CDH4: variants seen among roughly 807,000 people sequenced by gnomAD.
CDH4 encodes the protein cadherin-4.
In CDH4, 33 loss-of-function variants were observed where a neutral mutation model predicts 86.0. That is an observed-to-expected ratio of 0.38 (90% CI 0.29 to 0.51). The LOEUF (loss-of-function observed/expected upper bound fraction) is 0.51. Among genes scored for constraint, CDH4 ranks in the 20% least tolerant of loss-of-function variants. CDH4 has a pLI of 0.86. For missense variants in CDH4, 1,114 were observed against 1,307.4 expected (o/e 0.85, Z 2.28); for synonymous variants, 555 against 549.4 (o/e 1.01, Z -0.14).
At chr20:61,378,008 C>G (rs1053817287) in intron 2 of CDH4, among the ~76,000 whole-genome samples, 1 of 152,236 alleles carries the variant, frequency 6.6e-6, no homozygotes, top group East Asian at 1.9e-4. Flanking sequence ...AATTCCAACA[C>G]TTTGAGAGGC....
chr20:61,462,594 C>T (rs1312743937), intron 2 of CDH4, among the ~76,000 whole-genome samples: 2 of 62,850 alleles, frequency 3.2e-5, no homozygotes, highest in Middle Eastern at 7.2e-3. Flanking sequence ...TCCTGAGCCT[C>T]CCTCAGCCCC....
intron 2 of CDH4, among the ~76,000 whole-genome samples, chr20:61,591,896 C>A (rs1472657483): frequency 3.9e-5 from 3 of 75,972 alleles, no homozygotes; most frequent in Non-Finnish European, 9.6e-5. Flanking sequence ...ATTGAGCTTG[C>A]CATGGCAGAC....
intron 2 of CDH4, among the ~76,000 whole-genome samples, chr20:61,587,753 A>T (rs2086489356): frequency 6.6e-6 from 1 of 151,732 alleles, no homozygotes; most frequent in Admixed American, 6.6e-5. Flanking sequence ...CCTTTTCTGA[A>T]GGAAAATTAA....
chr20:61,329,560 TTCAA>T (rs978191885), intron 2 of CDH4, among the ~76,000 whole-genome samples: 2 of 152,078 alleles, frequency 1.3e-5, no homozygotes, highest in African/African-American at 2.4e-5. Context: ...GCTTTGTACT[TTCAA>T]TCAATCTCTT....
intron 4 of CDH4, among the ~76,000 whole-genome samples, chr20:61,798,658 G>A (rs1438655019): frequency 2.0e-5 from 3 of 152,224 alleles, no homozygotes; most frequent in African/African-American, 7.2e-5. Flanking sequence ...ACACCAGCAC[G>A]CTGGGCAGAG....
At chr20:61,383,788 GAT>G (rs1411199871) in intron 2 of CDH4, among the ~76,000 whole-genome samples, 2 of 49,570 alleles carry the variant, frequency 4.0e-5, no homozygotes, top group African/African-American at 8.5e-5. Flanking sequence ...TATATATGAA[GAT>G]ATATATGCAT....
intron 7 of CDH4, among the ~76,000 whole-genome samples, chr20:61,876,123 T>C (rs1161618932): frequency 2.6e-5 from 4 of 152,246 alleles, no homozygotes; most frequent in Admixed American, 2.6e-4. Context: ...CTGCCGGCTG[T>C]GTCCAAGGAG....
rs927429893 is a variant in CDH4, at chr20:61,264,492, T to C, written c.169+9555T>C. ...TGGCTCCTTCATTCAGTCCTACACA[T>C]ACCTCAGTGGCTCCTTCATTCGGTC... On this transcript the variant is annotated intron_variant, in intron 2 of 15. Transcript: ENST00000614565. Among the ~76,000 whole-genome samples the C allele has an allele frequency of 4.1e-5, 6 of 147,784 alleles. 1 individual carries two copies. The highest frequency in any genetic ancestry group is 1.5e-4 in the African/African-American group (6 of 39,350).
At chr20:61,581,617 G>A (rs976356895) in intron 2 of CDH4, among the ~76,000 whole-genome samples, 10 of 152,050 alleles carry the variant, frequency 6.6e-5, no homozygotes, top group East Asian at 1.9e-4. Context: ...CCTCGGACCC[G>A]CCCTGCTTCC....
chr20:61,632,345 A>G (rs2427204), intron 2 of CDH4, among the ~76,000 whole-genome samples: 92,940 of 151,948 alleles, frequency 0.61, 28,772 homozygotes, highest in East Asian at 0.72. Context: ...AATACCCACT[A>G]TATCACCCCC....
chr20:61,856,431 C>G (rs1331722067), intron 6 of CDH4, among the ~76,000 whole-genome samples: 1 of 140,354 alleles, frequency 7.1e-6, no homozygotes, highest in African/African-American at 2.7e-5. Context: ...ACACTCTTCC[C>G]CAACCACCCT....
intron 2 of CDH4, among the ~76,000 whole-genome samples, chr20:61,530,188 C>T (rs2085941755): frequency 6.6e-6 from 1 of 152,086 alleles, no homozygotes; most frequent in Admixed American, 6.6e-5. Flanking sequence ...AACCACCCCA[C>T]ACCCGGCTAA....
intron 2 of CDH4, among the ~76,000 whole-genome samples, chr20:61,451,351 G>A (rs979112895): frequency 8.5e-5 from 13 of 152,296 alleles, no homozygotes; most frequent in South Asian, 6.2e-4. Context: ...TTGGCCTCAC[G>A]CAGACCTGGC....
At chr20:61,304,290 T>C (rs1367929317) in intron 2 of CDH4, among the ~76,000 whole-genome samples, 1 of 147,298 alleles carries the variant, frequency 6.8e-6, no homozygotes. Context: ...TTCTTTGGTG[T>C]GGTCGTTATA....
In CDH4 at chr20:61,620,308, ATAGG is replaced by A. The variant is rs200008272; in HGVS notation, c.170-123247_170-123244del. The stretch of plus-strand genomic sequence containing the variant: ...TGGATGGATGATAGATGGTAGGTAG[ATAGG>A]TAGGTAGATGGATGGATGGATAGAT... On this transcript the variant is annotated intron_variant, in intron 2 of 15. Transcript: ENST00000614565. Among the ~76,000 whole-genome samples the A allele has an allele frequency of 2.3e-3, 351 of 149,954 alleles. 2 individuals are homozygous for A. Among genetic ancestry groups the A allele is most frequent in the Middle Eastern group, 7.1e-3 (2 of 282 alleles).
chr20:61,764,608 T>A (rs1355867190), intron 3 of CDH4, among the ~76,000 whole-genome samples: 1 of 152,142 alleles, frequency 6.6e-6, no homozygotes, highest in Non-Finnish European at 1.5e-5. Context: ...GCCCAGGCTG[T>A]CATTTTATCT....
At chr20:61,661,564 A>C (rs1176603772) in intron 2 of CDH4, among the ~76,000 whole-genome samples, 1 of 150,190 alleles carries the variant, frequency 6.7e-6, no homozygotes, top group East Asian at 2.0e-4. Flanking sequence ...AAGGGCCTAC[A>C]GTTGATGCCA....
In CDH4 at chr20:61,517,728, T is replaced by G. The variant is rs2085832646; in HGVS notation, c.170-225835T>G. Among the ~76,000 whole-genome samples the G allele has an allele frequency of 6.6e-6, 1 of 152,192 alleles. No individual in the cohort carries two copies. Reference sequence around the variant, plus strand: ...CGTGTTCAGGACAGGAACAGCACACTCAAGGTCACCATTCGTCTTATTCTT... The same window carrying G: ...CGTGTTCAGGACAGGAACAGCACACGCAAGGTCACCATTCGTCTTATTCTT... On this transcript the variant is annotated intron_variant, in intron 2 of 15. Transcript: ENST00000614565. The surrounding 1 kb of genome is among the most constrained non-coding windows in gnomAD (Gnocchi z 6.6).
intron 2 of CDH4, among the ~76,000 whole-genome samples, chr20:61,521,466 G>T (rs1487606019): frequency 6.6e-6 from 1 of 152,216 alleles, no homozygotes; most frequent in Admixed American, 6.5e-5. Context: ...TTGAGCTCCA[G>T]CTCCGTGAAC....
Sources: allele counts gnomAD v4.1 joint callset (sites outside exome capture counted in the v4.1 genomes callset), GRCh38; gene constraint gnomAD v4.1.1; non-coding constraint Gnocchi (gnomAD v3.1); transcripts MANE v1.5; gene names NCBI Gene and HGNC (gene_info 2026-07-23, HGNC 2026-07-21).